Variants in EPHA6 observed in about 807,000 individuals in gnomAD.
EPHA6 encodes the protein ephrin type-A receptor 6.
Under a neutral mutation model 112.0 loss-of-function variants are expected in EPHA6, and 50 were observed. That is an observed-to-expected ratio of 0.45 (90% CI 0.36 to 0.56). The LOEUF is 0.56. Among genes scored for constraint, EPHA6 ranks in the 20% least tolerant of loss-of-function variants. The pLI, the probability that EPHA6 is intolerant of heterozygous loss-of-function variation, is 0.00. For missense variants in EPHA6, 1,280 were observed against 1,417.4 expected, an observed-to-expected ratio of 0.90 and a Z score of 1.56; for synonymous variants, 529 against 490.7, an observed-to-expected ratio of 1.08 and a Z score of -1.03.
intron 14 of EPHA6, among the ~76,000 whole-genome samples, chr3:97,680,130 C>T (rs934552419): frequency 6.6e-6 from 1 of 152,152 alleles, no homozygotes; most frequent in South Asian, 2.1e-4. Flanking sequence ...ATTTCCCTTT[C>T]CTTCTATCCT....
intron 14 of EPHA6, among the ~76,000 whole-genome samples, chr3:97,703,919 CAT>C (rs576674868): frequency 6.6e-6 from 1 of 151,574 alleles, no homozygotes; most frequent in African/African-American, 2.4e-5. Flanking sequence ...ATTCCCAGTA[CAT>C]ATATATATAT....
At chr3:97,416,272 C>T (rs1265125057) in intron 6 of EPHA6, among the ~76,000 whole-genome samples, 1 of 152,016 alleles carries the variant, frequency 6.6e-6, no homozygotes, top group Non-Finnish European at 1.5e-5. Flanking sequence ...TCCTTCACAC[C>T]ATGCTGTTTC....
chr3:96,815,166 T>A (rs1217932013), intron 1 of EPHA6, among the ~76,000 whole-genome samples, 158 bp downstream of exon 1: 2 of 152,024 alleles, frequency 1.3e-5, no homozygotes, highest in East Asian at 3.9e-4. Flanking sequence ...CCTAGCGCCC[T>A]GTTTACACCG....
chr3:97,236,046 C>T (rs2078669594), intron 4 of EPHA6, among the ~76,000 whole-genome samples: 1 of 151,396 alleles, frequency 6.6e-6, no homozygotes, highest in East Asian at 1.9e-4. Flanking sequence ...CTTTTTTTCT[C>T]AGGTGACTCA....
At chr3:97,481,682 C>A (rs2091556400) in intron 9 of EPHA6, among the ~76,000 whole-genome samples, 1 of 151,884 alleles carries the variant, frequency 6.6e-6, no homozygotes, top group Non-Finnish European at 1.5e-5. Context: ...CCGGCCCCGC[C>A]CCGCACCGCC....
At position 97,519,941 on chromosome 3, in the gene EPHA6, A is replaced by T. The variant is rs192176260; in HGVS notation, c.2201-12417A>T. On this transcript the variant is annotated intron_variant, in intron 10 of 17. Transcript: ENST00000389672. ...ATCATATGCAAAAAGAGACAATCTGATTTCCTTTTTTCTAGTTTGGATGCA... is the reference window on the plus strand; with the variant it reads ...ATCATATGCAAAAAGAGACAATCTGTTTTCCTTTTTTCTAGTTTGGATGCA... Among the ~76,000 whole-genome samples, 30 of 144,884 alleles carry T rather than the reference A, an allele frequency of 2.1e-4. No individual in the cohort carries two copies. In the East Asian group the frequency reaches 6.1e-3, roughly 29 times the overall value.
intron 5 of EPHA6, among the ~76,000 whole-genome samples, chr3:97,311,040 T>C (rs1019135024): frequency 2.0e-5 from 3 of 151,570 alleles, no homozygotes; most frequent in Admixed American, 6.6e-5. Flanking sequence ...AGAGGTGGTA[T>C]TAGGTGCCAT....
Position 97,349,497 on chromosome 3 carries a change from C to T in EPHA6, c.1607-55653C>T, listed in dbSNP as rs1035375055. ...AGCATTGTGAAAAACAATAGCAACT[C>T]AAAATGATATATAATATCTTCCACA... On this transcript the variant is annotated intron_variant, in intron 5 of 17. Coordinates refer to ENST00000389672, the MANE Select transcript of EPHA6 (RefSeq NM_001080448.3). Among the ~76,000 whole-genome samples the T allele has an allele frequency of 3.3e-5, 5 of 151,966 alleles. No homozygotes were observed. The East Asian group carries it at 9.6e-4, about 29-fold the overall frequency.
intron 3 of EPHA6, among the ~76,000 whole-genome samples, chr3:97,011,600 A>G (rs960132123): frequency 6.6e-6 from 1 of 152,104 alleles, no homozygotes; most frequent in Non-Finnish European, 1.5e-5. Flanking sequence ...ACCAATTGCC[A>G]TGACAGACAC....
chr3:97,602,064 G>A (rs1282142520), intron 12 of EPHA6, among the ~76,000 whole-genome samples: 1 of 151,946 alleles, frequency 6.6e-6, no homozygotes, highest in Non-Finnish European at 1.5e-5. Flanking sequence ...TTTCTCTAGT[G>A]TCTTCCCCAG....
intron 5 of EPHA6, among the ~76,000 whole-genome samples, chr3:97,323,248 A>G (rs1446318253): frequency 2.0e-5 from 3 of 152,132 alleles, no homozygotes; most frequent in African/African-American, 4.8e-5. Flanking sequence ...AATTTTGACT[A>G]TAAAATTATA....
chr3:97,358,351 C>T (rs2108922397), intron 5 of EPHA6, among the ~76,000 whole-genome samples: 1 of 151,952 alleles, frequency 6.6e-6, no homozygotes, highest in South Asian at 2.1e-4. Context: ...AAATCTCTGC[C>T]CTTTACAACT....
intron 2 of EPHA6, among the ~76,000 whole-genome samples, chr3:96,879,591 G>A (rs1011504733): frequency 2.0e-5 from 3 of 151,992 alleles, no homozygotes; most frequent in African/African-American, 7.2e-5. Flanking sequence ...AACTAGAATT[G>A]CTTTTGGCAG....
At chr3:97,519,297 G>A (rs755595490) in intron 10 of EPHA6, among the ~76,000 whole-genome samples, 16 of 152,212 alleles carry the variant, frequency 1.1e-4, no homozygotes, top group South Asian at 2.1e-4. Context: ...TCAAAACTCC[G>A]TCAGCTGTAG....
At position 96,851,939 on chromosome 3, in the gene EPHA6, A is replaced by G. The variant is rs561076887; in HGVS notation, c.386-14886A>G. On this transcript the variant is annotated intron_variant, in intron 1 of 17. Transcript: ENST00000389672. ...AGAGTAGTTGTTGATTTTAGGTAAT[A>G]CTGGAGAAATATCGTCTTTAAGAGA... Among the ~76,000 whole-genome samples, 11 of 152,254 alleles carry G rather than the reference A, an allele frequency of 7.2e-5. No individual in the cohort carries two copies. In the South Asian group the frequency reaches 2.3e-3, roughly 32 times the overall value.
chr3:97,661,454 T>C (rs1324411142), intron 14 of EPHA6, among the ~76,000 whole-genome samples: 1 of 152,144 alleles, frequency 6.6e-6, no homozygotes, highest in African/African-American at 2.4e-5. Context: ...TCATAAAACA[T>C]CATGGTTCTC....
Position 97,145,350 on chromosome 3 carries a change from T to G in EPHA6, c.1115-80914T>G, listed in dbSNP as rs138996939. Among the ~76,000 whole-genome samples the G allele has an allele frequency of 1.9e-3, 283 of 151,574 alleles. 1 individual carries two copies. Among genetic ancestry groups the G allele is most frequent in the African/African-American group, 6.6e-3 (274 of 41,514 alleles). On this transcript the variant is annotated intron_variant, in intron 3 of 17. Coordinates refer to ENST00000389672, the MANE Select transcript of EPHA6 (RefSeq NM_001080448.3). ...ATATTCTATACTTTCAGATTTGATT[T>G]TCTGCTTGACCCAAATGGGCTGTAT...
chr3:97,062,379 G>A (rs1357790174), intron 3 of EPHA6, among the ~76,000 whole-genome samples: 1 of 152,050 alleles, frequency 6.6e-6, no homozygotes, highest in African/African-American at 2.4e-5. Flanking sequence ...CCACCCCTAA[G>A]GCTGAGATAG....
intron 10 of EPHA6, among the ~76,000 whole-genome samples, chr3:97,512,086 G>T (rs1482388204): frequency 2.0e-5 from 3 of 152,062 alleles, no homozygotes; most frequent in African/African-American, 7.2e-5. Flanking sequence ...AACAAACTGA[G>T]ATTTTACCTA....
Sources: allele counts gnomAD v4.1 joint callset (sites outside exome capture counted in the v4.1 genomes callset), GRCh38; gene constraint gnomAD v4.1.1; transcripts MANE v1.5; gene names NCBI Gene and HGNC (gene_info 2026-07-23, HGNC 2026-07-21).